Variants in JCAD observed in about 807,000 individuals in gnomAD.
The protein encoded by JCAD is junctional cadherin 5 associated.
Under a neutral mutation model 98.0 loss-of-function variants are expected in JCAD, and 40 were observed. The ratio of observed to expected loss-of-function variants is 0.41; its 90% CI spans 0.32 to 0.53. The LOEUF (loss-of-function observed/expected upper bound fraction) is 0.53, where lower values mean the gene tolerates loss of function less well. Ranked by LOEUF, JCAD falls within the 20% of genes least tolerant of loss-of-function variation. The pLI is 0.31. For synonymous variants in JCAD, 691 were observed against 682.3 expected (o/e 1.01, Z -0.20); for missense variants, 1,705 against 1,738.1 (o/e 0.98, Z 0.34).
intron 1 of JCAD, among the ~76,000 whole-genome samples, chr10:30,053,565 AAAAAGAAAAG>A (rs1166484702): frequency 2.0e-5 from 3 of 149,908 alleles, no homozygotes; most frequent in South Asian, 4.2e-4. Flanking sequence ...GTCTCAAAAA[AAAAAGAAAAG>A]AAAAGAAAAG....
At chr10:30,018,195 T>C (rs1456590913) in intron 3 of JCAD, among the ~76,000 whole-genome samples, 1 of 152,208 alleles carries the variant, frequency 6.6e-6, no homozygotes, top group Non-Finnish European at 1.5e-5. Context: ...CCGTGGAATA[T>C]ACTTCACTTT....
chr10:30,015,339 T>A lies in JCAD; in HGVS notation c.*2544A>T, dbSNP rs1047894748. 1.1e-4 allele frequency: 17 copies of A among 152,336 alleles called. No homozygotes were observed. The highest frequency in any genetic ancestry group is 9.8e-4 in the Admixed American group (15 of 15,304). The allele number at this position is 152,336 out of a possible 1,614,324, so 9.4% of individuals were successfully genotyped here. A position where few individuals can be genotyped will look rare whatever the true frequency, so the allele number is the denominator to read the frequency against. ...ATGTATGAGAAATAGAAACAATAAC[T>A]AAACAATTAGTGTTAAATTCAAGAC... is the stretch of plus-strand genomic sequence containing the variant. On this transcript the variant is annotated 3_prime_UTR_variant, in exon 4 of 4. Coordinates refer to ENST00000375377, the MANE Select transcript of JCAD (RefSeq NM_020848.4).
intron 1 of JCAD, among the ~76,000 whole-genome samples, chr10:30,109,795 G>A (rs1440699500): frequency 6.6e-6 from 1 of 152,120 alleles, no homozygotes; most frequent in Non-Finnish European, 1.5e-5. Context: ...TGGGCCCCTT[G>A]ATGTATGGAC....
rs1203126325 is a variant in JCAD, at chr10:30,096,086, C to A, written n.128+19281G>T. 2.6e-5 allele frequency among the ~76,000 whole-genome samples: 4 copies of A among 152,230 alleles called. No homozygotes were observed. The East Asian group carries it at 7.7e-4, about 29-fold the overall frequency. The stretch of plus-strand genomic sequence containing the variant: ...CAAGGTTCAGTCCACAGGATCCACA[C>A]AGCCATCAGAGGGGCCAGTGTGTGG... On this transcript the variant is annotated intron_variant and non_coding_transcript_variant, in intron 1 of 2. Transcript: ENST00000465712.
chr10:30,115,167 CACAA>C (rs1047577199), intron 1 of JCAD, among the ~76,000 whole-genome samples: 8 of 152,180 alleles, frequency 5.3e-5, no homozygotes, highest in Non-Finnish European at 1.0e-4. Context: ...GCGCTTTCTC[CACAA>C]ACAGAGAATT....
At position 30,047,758 on chromosome 10, in the gene JCAD, G is replaced by T; in HGVS notation, c.55C>A (p.Pro19Thr). 6.2e-7 allele frequency: 1 copy of T among 1,614,152 alleles called. No homozygotes were observed. The change falls in exon 2 of 4, where the codon CCC becomes ACC. Residue 19 changes from proline to threonine, a missense_variant. Coordinates refer to ENST00000375377, the MANE Select transcript of JCAD (RefSeq NM_020848.4). ...GGGTTATCCTCGCGTGATGCTGGGG[G>T]GTCTCTTGACAGCTTGTATCCATGA... The part of the protein sequence containing the change: ...ISHGYKLSRD[P>T]PASREDNPKG...
chr10:30,029,871 A>G lies in JCAD; in HGVS notation c.282-5T>C. ...GAGGGGGGTTGATTACAAAACCTACAAAACAAAGAGTCACAGACGTTAGGC... is the reference window on the plus strand; with the variant it reads ...GAGGGGGGTTGATTACAAAACCTACGAAACAAAGAGTCACAGACGTTAGGC... On this transcript the variant is annotated splice_region_variant and splice_polypyrimidine_tract_variant and intron_variant, in intron 2 of 3. Coordinates refer to ENST00000375377, the MANE Select transcript of JCAD (RefSeq NM_020848.4). The G allele has an allele frequency of 6.2e-7, 1 of 1,611,842 alleles. No homozygotes were observed. The highest frequency in any genetic ancestry group is 8.5e-7 in the Non-Finnish European group (1 of 1,178,862).
intron 1 of JCAD, among the ~76,000 whole-genome samples, chr10:30,093,057 C>A (rs1044811134): frequency 2.0e-5 from 3 of 151,884 alleles, no homozygotes; most frequent in African/African-American, 7.3e-5. Context: ...AATGGATTTA[C>A]CACAATAAAC....
intron 1 of JCAD, among the ~76,000 whole-genome samples, chr10:30,082,867 AAAAAAAAAAAC>A (rs1187112865): frequency 1.4e-5 from 2 of 141,984 alleles, no homozygotes; most frequent in African/African-American, 2.5e-5. Context: ...AAAAAAAAAA[AAAAAAAAAAAC>A]AAAAAATTAG....
intron 1 of JCAD, among the ~76,000 whole-genome samples, chr10:30,089,374 A>G (rs1233511127): frequency 6.6e-6 from 1 of 152,166 alleles, no homozygotes; most frequent in Non-Finnish European, 1.5e-5. Flanking sequence ...GTCTTCCAGC[A>G]ATTGAATAAC....
At chr10:30,038,463 C>T (rs943439) in intron 2 of JCAD, among the ~76,000 whole-genome samples, 64,134 of 151,522 alleles carry the variant, frequency 0.42, 14,368 homozygotes, top group African/African-American at 0.58. Context: ...GTAGGAGGAT[C>T]GCTTGAGCCC....
chr10:30,023,045 T>C lies in JCAD; in HGVS notation c.4045+3058A>G, dbSNP rs919458924. 3.3e-5 allele frequency among the ~76,000 whole-genome samples: 5 copies of C among 152,298 alleles called. No individual in the cohort carries two copies. In the East Asian group the frequency reaches 9.6e-4, roughly 29 times the overall value. ...ATATTTTTACTGTGCCTTTTCTTTT[T>C]GTTTTTTTGGAGATGGAGTTTCACT... is the stretch of plus-strand genomic sequence containing the variant. On this transcript the variant is annotated intron_variant, in intron 3 of 3. Coordinates refer to ENST00000375377, the MANE Select transcript of JCAD (RefSeq NM_020848.4).
At chr10:30,052,643 C>T (rs751867924) in intron 1 of JCAD, among the ~76,000 whole-genome samples, 5 of 152,300 alleles carry the variant, frequency 3.3e-5, no homozygotes, top group South Asian at 4.2e-4. Context: ...TCCCAGAGTG[C>T]GGGTGCTGCA....
rs758635835 is a variant in JCAD, at chr10:30,029,801, C to G, written c.347G>C (p.Arg116Pro). 4.3e-6 allele frequency: 7 copies of G among 1,614,098 alleles called. No individual in the cohort carries two copies. Among genetic ancestry groups the G allele is most frequent in the Non-Finnish European group, 5.9e-6 (7 of 1,180,054 alleles). ...HPPTGNDQAY[R>P]RRGRQEARSQ... ...CCTGGCTTCTTGCCGTCCTCTTCTC[C>G]GGTAGGCTTGGTCGTTACCAGTCGG... The change falls in exon 3 of 4, where the codon CGG (arginine) becomes CCG (proline). Residue 116 changes from arginine to proline, a missense_variant. By Grantham distance (103) the Arg-to-Pro change is moderately radical. This residue lies in a region of JCAD where 275 missense variants were observed against 346.9 expected (regional missense o/e 0.79). Transcript: ENST00000375377.
At chr10:30,095,818 A>G (rs960259958) in intron 1 of JCAD, among the ~76,000 whole-genome samples, 3 of 152,242 alleles carry the variant, frequency 2.0e-5, no homozygotes, top group African/African-American at 7.2e-5. Context: ...CAGCCTTGCC[A>G]TAGACAGTAC....
chr10:30,029,703 C>G lies in JCAD; in HGVS notation c.445G>C (p.Val149Leu). The change falls in exon 3 of 4, where the codon GTG becomes CTG. Residue 149 changes from valine to leucine, a missense_variant. By Grantham distance (32) the Val-to-Leu change is conservative. This residue lies in a region of JCAD where 275 missense variants were observed against 346.9 expected (regional missense o/e 0.79). Coordinates refer to ENST00000375377, the MANE Select transcript of JCAD (RefSeq NM_020848.4). ...MAQAHSLPVH[V>L]REGPWEVGGR... ...CCAACTTCCCATGGACCCTCCCTCACGTGGACAGGCAGGCTGTGGGCTTGG... is the reference window on the plus strand; with the variant it reads ...CCAACTTCCCATGGACCCTCCCTCAGGTGGACAGGCAGGCTGTGGGCTTGG... The G allele has an allele frequency of 6.2e-7, 1 of 1,614,260 alleles. No homozygotes were observed. The highest frequency in any genetic ancestry group is 1.6e-4 in the Middle Eastern group (1 of 6,062).
rs1190230374 is a variant in JCAD, at chr10:30,029,260, T to TGG, written c.886_887dup (p.Ser297HisfsTer69). 1 of 1,613,978 alleles carries TGG rather than the reference T, an allele frequency of 6.2e-7. No homozygotes were observed. Among genetic ancestry groups the TGG allele is most frequent in the African/African-American group, 1.3e-5 (1 of 74,888 alleles). ...TAGACTGCTGGTGCGAGCTGTAAGA[T>TGG]GGGGGCTTGAGGGGCCTCCCAAACT... On this transcript the variant is annotated frameshift_variant, in exon 3 of 4. Transcript: ENST00000375377. LOFTEE classifies it high-confidence loss of function.
upstream of JCAD, among the ~76,000 whole-genome samples, chr10:30,060,866 GTTTC>G (rs1421469428): frequency 3.3e-5 from 5 of 152,236 alleles, no homozygotes; most frequent in East Asian, 9.7e-4. Flanking sequence ...GAGCAAGGTC[GTTTC>G]TTTGTTCTCT....
upstream of JCAD, among the ~76,000 whole-genome samples, chr10:30,062,331 G>A (rs1180545655): frequency 3.3e-5 from 5 of 152,138 alleles, no homozygotes; most frequent in East Asian, 3.9e-4. Flanking sequence ...TTTGGCTTCC[G>A]TCTTTCCTCA....
Sources: gnomAD v4.1 joint callset for allele counts (sites outside exome capture counted in the v4.1 genomes callset) on GRCh38, gnomAD v4.1.1 for gene constraint, gnomAD v4.1.1 regional missense constraint, MANE v1.5 for transcripts, NCBI Gene and HGNC (gene_info 2026-07-23, HGNC 2026-07-21) for gene names.